The following FAAH2 variants were observed in gnomAD, a reference collection of about 807,000 sequenced individuals.
FAAH2 encodes the protein fatty-acid amide hydrolase 2.
In FAAH2, 60 loss-of-function variants were observed where a neutral mutation model predicts 36.9. That is an observed-to-expected ratio of 1.63 (90% confidence interval 1.32 to 2.02). The LOEUF is 2.02. Among genes scored for constraint, FAAH2 ranks in the 30% most tolerant of loss-of-function variants. FAAH2 has a pLI of 0.00. For missense variants in FAAH2, 689 were observed against 397.5 expected, an observed-to-expected ratio of 1.73 and a Z score of -6.23; for synonymous variants, 214 against 143.8, an observed-to-expected ratio of 1.49 and a Z score of -3.49.
At chrX:57,287,946 C>A (rs1418556795) in intron 1 of FAAH2, among the ~76,000 whole-genome samples, 1 of 111,431 alleles carries the variant, frequency 9.0e-6, no homozygotes, top group African/African-American at 3.3e-5. Flanking sequence ...CTTTCAAAGA[C>A]ATATCCTGTC....
rs780505867 is a variant in FAAH2, at chrX:57,378,787, G to T, written c.878+1G>T. On this transcript the variant is annotated splice_donor_variant, in intron 6 of 10. Transcript: ENST00000374900. LOFTEE classifies it high-confidence loss of function. ...TCATGGCAGGACCTGGGATCAAAAG[G>T]TATGTTCATTTATTTTTATTTCCTT... The T allele has an allele frequency of 7.5e-6, 9 of 1,201,350 alleles. No homozygotes were observed. The African/African-American group carries it at 8.8e-5, about 12-fold the overall frequency.
At chrX:57,353,657 G>T (rs1569285509) in intron 5 of FAAH2, among the ~76,000 whole-genome samples, 1 of 110,591 alleles carries the variant, frequency 9.0e-6, no homozygotes, top group African/African-American at 3.3e-5. Context: ...GTAATCAACA[G>T]AGTGATGAAA....
chrX:57,328,860 C>G (rs771214853), intron 3 of FAAH2, among the ~76,000 whole-genome samples: 102 of 111,584 alleles, frequency 9.1e-4, no homozygotes, highest in African/African-American at 3.3e-3. Context: ...ATTGCATGCT[C>G]TAACTCTGGG....
the FAAH2 span, among the ~76,000 whole-genome samples, chrX:57,201,956 A>AT: frequency 9.0e-6 from 1 of 111,295 alleles, no homozygotes. Flanking sequence ...TGATGATTGC[A>AT]TTTTTCACCT....
the FAAH2 span, among the ~76,000 whole-genome samples, chrX:57,193,283 G>T: frequency 7.2e-5 from 8 of 111,726 alleles, no homozygotes; most frequent in African/African-American, 2.6e-4. Context: ...AGTGCTCCCA[G>T]ACTTATTAGG....
In FAAH2 at chrX:57,487,528, T is replaced by C. The variant is rs745321200; in HGVS notation, c.1424-1229T>C. ...TGCCCATAAGTGCGTGAGAGAATGGTCAATATAATTACTCATTAGGGAAAT... is the reference window on the plus strand; with the variant it reads ...TGCCCATAAGTGCGTGAGAGAATGGCCAATATAATTACTCATTAGGGAAAT... On this transcript the variant is annotated intron_variant, in intron 10 of 10. Coordinates refer to ENST00000374900, the MANE Select transcript of FAAH2 (RefSeq NM_174912.4). Among the ~76,000 whole-genome samples, 8 of 111,657 alleles carry C rather than the reference T, an allele frequency of 7.2e-5. No individual in the cohort carries two copies. The South Asian group carries it at 3.0e-3, about 41-fold the overall frequency.
At chrX:57,383,663 G>A (rs1009144850) in intron 7 of FAAH2, among the ~76,000 whole-genome samples, 4 of 111,579 alleles carry the variant, frequency 3.6e-5, no homozygotes, top group Non-Finnish European at 5.6e-5. Flanking sequence ...ACTGCTCAAT[G>A]AAATAAAAGA....
intron 7 of FAAH2, chrX:57,395,111 G>C: frequency 1.8e-6 from 1 of 541,501 alleles, no homozygotes; most frequent in East Asian, 3.5e-5. Flanking sequence ...TCTAGAGATA[G>C]CTGCACTACG....
chrX:57,415,192 G>A (rs796730196), intron 7 of FAAH2, among the ~76,000 whole-genome samples: 7 of 109,347 alleles, frequency 6.4e-5, no homozygotes, highest in African/African-American at 1.3e-4. Context: ...TCCTGGATTC[G>A]TTGATTTTTC....
At chrX:57,360,029 G>A (rs979883016) in intron 5 of FAAH2, among the ~76,000 whole-genome samples, 1 of 107,701 alleles carries the variant, frequency 9.3e-6, no homozygotes, top group African/African-American at 3.4e-5. Flanking sequence ...GTACTGTAAG[G>A]TTTCTGCTGG....
chrX:57,170,114 A>T, the FAAH2 span, among the ~76,000 whole-genome samples: 9 of 111,520 alleles, frequency 8.1e-5, no homozygotes, highest in African/African-American at 1.3e-4. Context: ...GAAACTACAG[A>T]TGCATACCAC....
intron 5 of FAAH2, among the ~76,000 whole-genome samples, chrX:57,354,988 G>T (rs894446742): frequency 9.0e-6 from 1 of 110,786 alleles, no homozygotes; most frequent in Non-Finnish European, 1.9e-5. Context: ...AGGAATTTGC[G>T]TTCATTTTCT....
At chrX:57,130,172 C>T in the FAAH2 span, among the ~76,000 whole-genome samples, 1 of 112,132 alleles carries the variant, frequency 8.9e-6, no homozygotes, top group East Asian at 2.8e-4. Flanking sequence ...CATGATCTAG[C>T]GCATGCAGAA....
chrX:57,314,959 G>A (rs1375539189), intron 3 of FAAH2, among the ~76,000 whole-genome samples: 1 of 110,476 alleles, frequency 9.1e-6, no homozygotes, highest in Non-Finnish European at 1.9e-5. Flanking sequence ...AAATATAGAT[G>A]CAAAAATCTA....
intron 10 of FAAH2, among the ~76,000 whole-genome samples, chrX:57,479,456 C>T (rs978447815): frequency 3.6e-5 from 4 of 111,495 alleles, no homozygotes; most frequent in South Asian, 3.8e-4. Flanking sequence ...TTGACTTCCT[C>T]GTTTCCTAAT....
the FAAH2 span, among the ~76,000 whole-genome samples, chrX:57,261,571 A>AG: frequency 1.7e-4 from 18 of 108,006 alleles, no homozygotes; most frequent in African/African-American, 5.7e-4. Flanking sequence ...AAAAAAAAAA[A>AG]AAAAGAAAAA....
chrX:57,448,410 A>G (rs2056723389), intron 9 of FAAH2, 114 bp from the exon 10 acceptor site: 1 of 713,969 alleles, frequency 1.4e-6, no homozygotes. Context: ...TCCATCACTT[A>G]CTTTCTCAGT....
the FAAH2 span, among the ~76,000 whole-genome samples, chrX:57,170,040 G>A: frequency 8.1e-5 from 9 of 111,333 alleles, no homozygotes; most frequent in African/African-American, 2.0e-4. Context: ...GCACAATCAC[G>A]GCACACTGCA....
chrX:57,267,947 C>G, the FAAH2 span, among the ~76,000 whole-genome samples: 2 of 112,557 alleles, frequency 1.8e-5, no homozygotes, highest in Non-Finnish European at 3.8e-5. Flanking sequence ...ACCTTCTAGC[C>G]TCCAAATGAC....
Sources: gnomAD v4.1 joint callset for allele counts (sites outside exome capture counted in the v4.1 genomes callset) on GRCh38, gnomAD v4.1.1 for gene constraint, MANE v1.5 for transcripts, NCBI Gene and HGNC (gene_info 2026-07-23, HGNC 2026-07-21) for gene names.